The following ZNF273 variants were observed in gnomAD, a reference collection of about 807,000 sequenced individuals.
The protein encoded by ZNF273 is zinc finger protein 9.
ZNF273 carries 11 observed loss-of-function variants against 14.9 expected under a neutral mutation model. The observed-to-expected ratio is 0.74, with a 90% CI of 0.46 to 1.22. The LOEUF (loss-of-function observed/expected upper bound fraction) is 1.22, where lower values mean the gene tolerates loss of function less well. Among genes scored for constraint, ZNF273 ranks in the 50% most tolerant of loss-of-function variants. ZNF273 has a pLI of 0.00. For synonymous variants in ZNF273, 199 were observed against 223.9 expected (o/e 0.89, Z 0.99); for missense variants, 577 against 660.6 (o/e 0.87, Z 1.39).
intron 1 of ZNF273, among the ~76,000 whole-genome samples, chr7:64,887,682 T>C (rs1449421511): frequency 6.7e-6 from 1 of 149,410 alleles, no homozygotes; most frequent in Non-Finnish European, 1.5e-5. Flanking sequence ...GTATTTTTAG[T>C]AGAGACAAGG....
chr7:64,912,826 G>GTTTTTTGTTGTTTTTTTTTTTTTTTTTT lies in ZNF273; in HGVS notation c.103-4749_103-4748insGTTGTTTTTTTTTTTTTTTTTTTTTTTT. ...TCTTTTTGACTCAGGATTCATTTTAGTTTTTTTTTTTTTTTTTTTTGAGAT... is the reference window on the plus strand; with the variant it reads ...TCTTTTTGACTCAGGATTCATTTTAGTTTTTTGTTGTTTTTTTTTTTTTTTTTTTTTTTTTTTTTTTTTTTTTTGAGAT... On this transcript the variant is annotated intron_variant, in intron 1 of 3. Coordinates refer to ENST00000476120, the MANE Select transcript of ZNF273 (RefSeq NM_021148.3). Among the ~76,000 whole-genome samples the GTTTTTTGTTGTTTTTTTTTTTTTTTTTT allele has an allele frequency of 7.9e-4, 29 of 36,570 alleles. 1 individual carries two copies. Among genetic ancestry groups the GTTTTTTGTTGTTTTTTTTTTTTTTTTTT allele is most frequent in the East Asian group, 3.1e-3 (5 of 1,618 alleles). The allele number at this position is 36,570 out of a possible 152,430, so 24.0% of individuals were successfully genotyped here.
At chr7:64,881,623 C>T (rs1027671880), downstream of ZNF273, among the ~76,000 whole-genome samples, 2 of 152,100 alleles carry the variant, frequency 1.3e-5, no homozygotes, top group Non-Finnish European at 2.9e-5. Context: ...TGTGGGGGGG[C>T]TGTTGCTGGG....
In ZNF273 at chr7:64,927,647, C is replaced by A. The variant is rs767644461; in HGVS notation, c.326-7C>A. On this transcript the variant is annotated splice_region_variant and splice_polypyrimidine_tract_variant and intron_variant, in intron 3 of 3. Coordinates refer to ENST00000476120, the MANE Select transcript of ZNF273 (RefSeq NM_021148.3). Reference sequence around the variant, plus strand: ...AGTGGGGTAATTGTTACTTTTATTTCTTTCAGTTGTGTGTTCTCATTTTGC... The same window carrying A: ...AGTGGGGTAATTGTTACTTTTATTTATTTCAGTTGTGTGTTCTCATTTTGC... The A allele has an allele frequency of 6.5e-7, 1 of 1,545,160 alleles. No homozygotes were observed. Among genetic ancestry groups the A allele is most frequent in the Non-Finnish European group, 8.7e-7 (1 of 1,152,460 alleles).
At chr7:64,896,145 T>C (rs1451159629) in intron 3 of ZNF273, among the ~76,000 whole-genome samples, 1 of 152,212 alleles carries the variant, frequency 6.6e-6, no homozygotes, top group Non-Finnish European at 1.5e-5. Context: ...TGAAAGGCAC[T>C]ATCCAGTAGC....
At chr7:64,883,206 A>C (rs1791348402), downstream of ZNF273, among the ~76,000 whole-genome samples, 1 of 124,194 alleles carries the variant, frequency 8.1e-6, no homozygotes, top group Non-Finnish European at 1.6e-5. Flanking sequence ...GCAGGAGCCC[A>C]AATCACCACC....
In ZNF273 at chr7:64,928,671, A is replaced by G; in HGVS notation, c.1343A>G (p.His448Arg). 6.2e-7 allele frequency: 1 copy of G among 1,612,936 alleles called. No individual in the cohort carries two copies. The highest frequency in any genetic ancestry group is 1.3e-5 in the African/African-American group (1 of 75,030). The stretch of plus-strand genomic sequence containing the variant: ...AGTGTATTCTCAACCCTTACTAAAC[A>G]TAAGATAATTCATACTGGAGCAAAA... ...AFSVFSTLTK[H>R]KIIHTGAKPY... is the part of the protein sequence containing the mutation. Residue 448 changes from histidine (H) to arginine (R), a missense_variant, in exon 4 of 4, where the codon CAT (histidine) becomes CGT (arginine). Physicochemically the swap from His to Arg is conservative, Grantham distance 29. This residue lies in a region of ZNF273 where 411 missense variants were observed against 440.4 expected (regional missense o/e 0.93). Transcript: ENST00000476120.
chr7:64,878,406 C>A (rs963878242), exon 2 of ZNF273: 1 of 152,338 alleles, frequency 6.6e-6, no homozygotes, highest in Non-Finnish European at 1.5e-5. Context: ...CTTCGAAATC[C>A]GTTGCCAGCA....
At chr7:64,888,038 A>G (rs768464716) in intron 1 of ZNF273, among the ~76,000 whole-genome samples, 5 of 152,058 alleles carry the variant, frequency 3.3e-5, no homozygotes, top group African/African-American at 4.8e-5. Context: ...CCCAGCCCCA[A>G]TGCTGGCACT....
At chr7:64,921,219 A>G (rs1313440499) in intron 3 of ZNF273, among the ~76,000 whole-genome samples, 2 of 151,736 alleles carry the variant, frequency 1.3e-5, no homozygotes, top group East Asian at 3.9e-4. Context: ...ACGTGCCACC[A>G]TGCCCAGTTA....
chr7:64,929,380 T>C lies in ZNF273; in HGVS notation c.*342T>C, dbSNP rs1441869599. The C allele has an allele frequency of 6.2e-6, 1 of 160,696 alleles. No homozygotes were observed. The highest frequency in any genetic ancestry group is 1.4e-5 in the Non-Finnish European group (1 of 73,952). 10.0% of individuals were successfully genotyped at this position (160,696 alleles called of 1,614,324 possible). ...ACCTTTGTTTGTATCATAGATCTTA[T>C]TGTACACATTTTGTACCAGAGAAAA... On this transcript the variant is annotated 3_prime_UTR_variant, in exon 4 of 4. Transcript: ENST00000476120.
At chr7:64,932,626 C>G (rs1467993849), downstream of ZNF273, among the ~76,000 whole-genome samples, 2 of 151,994 alleles carry the variant, frequency 1.3e-5, no homozygotes, top group Non-Finnish European at 2.9e-5. Flanking sequence ...TTTAAGAGAG[C>G]TAATGGTAAA....
chr7:64,898,858 A>G (rs1792517064), upstream of ZNF273, among the ~76,000 whole-genome samples: 1 of 152,230 alleles, frequency 6.6e-6, no homozygotes, highest in African/African-American at 2.4e-5. Flanking sequence ...TTGCATGGCT[A>G]GATACTTACT....
In ZNF273 at chr7:64,911,240, C is replaced by T. The variant is rs116896682; in HGVS notation, c.103-6341C>T. Among the ~76,000 whole-genome samples the T allele has an allele frequency of 4.9e-4, 73 of 148,876 alleles. 1 individual carries two copies. In the East Asian group the frequency reaches 0.013, roughly 26 times the overall value. ...ATTTGTGTATGGTGAACCAACTTTG[C>T]ATTTTAAAGACAAAGCCTACTTGAT... On this transcript the variant is annotated intron_variant, in intron 1 of 3. Coordinates refer to ENST00000476120, the MANE Select transcript of ZNF273 (RefSeq NM_021148.3).
At chr7:64,886,987 G>T (rs1562948259) in intron 1 of ZNF273, among the ~76,000 whole-genome samples, 1 of 152,152 alleles carries the variant, frequency 6.6e-6, no homozygotes. Flanking sequence ...ATCTGTGCTG[G>T]GCATTTACCA....
downstream of ZNF273, among the ~76,000 whole-genome samples, chr7:64,894,106 T>C (rs1792219178): frequency 6.6e-6 from 1 of 152,122 alleles, no homozygotes; most frequent in African/African-American, 2.4e-5. Flanking sequence ...CCGGGTTCAA[T>C]TAATTCTCCT....
At chr7:64,894,191 A>G (rs12672910), downstream of ZNF273, among the ~76,000 whole-genome samples, 64,689 of 151,790 alleles carry the variant, frequency 0.43, 14,064 homozygotes, top group African/African-American at 0.46. Flanking sequence ...TTTTAGAAGA[A>G]ACAGGGTTTC....
chr7:64,896,582 T>C (rs1792375750), intron 3 of ZNF273, among the ~76,000 whole-genome samples: 1 of 152,128 alleles, frequency 6.6e-6, no homozygotes, highest in Admixed American at 6.5e-5. Context: ...ATGATTTTAT[T>C]CTTATTCTTA....
upstream of ZNF273, among the ~76,000 whole-genome samples, chr7:64,901,341 G>T (rs964141802): frequency 1.3e-5 from 2 of 152,192 alleles, no homozygotes; most frequent in Admixed American, 6.5e-5. Context: ...TTCTAGAAGG[G>T]TACCCACTGG....
At chr7:64,914,182 A>ATTT (rs375695781) in intron 1 of ZNF273, among the ~76,000 whole-genome samples, 3 of 70,888 alleles carry the variant, frequency 4.2e-5, no homozygotes, top group African/African-American at 6.6e-5. Flanking sequence ...TAATTTTTGT[A>ATTT]TTTTTTTTTT....
Sources: allele counts gnomAD v4.1 joint callset (sites outside exome capture counted in the v4.1 genomes callset), GRCh38; gene constraint gnomAD v4.1.1; regional missense constraint gnomAD v4.1.1; transcripts MANE v1.5; gene names NCBI Gene and HGNC (gene_info 2026-07-23, HGNC 2026-07-21).